PRDM16: variants seen among roughly 807,000 people sequenced by gnomAD.
The protein encoded by PRDM16 is PR/SET domain 16, also known as histone-lysine N-methyltransferase PRDM16.
In PRDM16, 23 loss-of-function variants were observed where a neutral mutation model predicts 110.6. The ratio of observed to expected loss-of-function variants is 0.21; its 90% CI spans 0.15 to 0.29. The LOEUF is 0.29. PRDM16 is among the 10% of genes least tolerant of loss of function. The probability of loss-of-function intolerance (pLI) is 1.00; values close to 1 mark genes in which losing one functional copy is unlikely to be tolerated. For missense variants in PRDM16, 1,615 were observed against 1,794.3 expected (o/e 0.90, Z 1.81); for synonymous variants, 799 against 781.8 (o/e 1.02, Z -0.37).
At chr1:3,419,120 A>T (rs1000431254) in intron 12 of PRDM16, among the ~76,000 whole-genome samples, 1 of 152,152 alleles carries the variant, frequency 6.6e-6, no homozygotes, top group Non-Finnish European at 1.5e-5. Flanking sequence ...CACCCAGCCC[A>T]ACTCCGTTCA....
chr1:3,137,402 G>A (rs1557475285), intron 1 of PRDM16, among the ~76,000 whole-genome samples: 1 of 152,218 alleles, frequency 6.6e-6, no homozygotes, highest in African/African-American at 2.4e-5. Flanking sequence ...GAGAGAGAGA[G>A]GCTAGGGAGA....
chr1:3,306,746 T>G (rs951880665), intron 3 of PRDM16: 1 of 152,226 alleles, frequency 6.6e-6, no homozygotes, highest in African/African-American at 2.4e-5. Flanking sequence ...AGCCACAGAC[T>G]TGTGCAACCA....
chr1:3,107,442 C>T (rs1642683890), intron 1 of PRDM16, among the ~76,000 whole-genome samples: 1 of 152,166 alleles, frequency 6.6e-6, no homozygotes, highest in Non-Finnish European at 1.5e-5. Context: ...CCAGCAGTTC[C>T]TTGGTGTCAG....
chr1:3,422,454 A>G (rs1638467113), intron 12 of PRDM16, among the ~76,000 whole-genome samples: 1 of 152,220 alleles, frequency 6.6e-6, no homozygotes, highest in Admixed American at 6.5e-5. Context: ...CTGGGTGGGA[A>G]GCCTCTGGCT....
chr1:3,131,947 A>T (rs1021061841), intron 1 of PRDM16, among the ~76,000 whole-genome samples: 1 of 152,256 alleles, frequency 6.6e-6, no homozygotes, highest in African/African-American at 2.4e-5. Context: ...TAGTCCGTTT[A>T]ATATGTAAAC....
At position 3,104,546 on chromosome 1, in the gene PRDM16, C is replaced by T. The variant is rs557279917; in HGVS notation, c.37+35250C>T. Among the ~76,000 whole-genome samples the T allele has an allele frequency of 4.1e-4, 47 of 114,988 alleles. No homozygotes were observed. In the South Asian group the frequency reaches 9.8e-3, roughly 24 times the overall value. The allele number at this position is 114,988 out of a possible 152,430, so 75.4% of individuals were successfully genotyped here. A position where few individuals can be genotyped will look rare whatever the true frequency, so the allele number is the denominator to read the frequency against. On this transcript the variant is annotated intron_variant, in intron 1 of 16. Coordinates refer to ENST00000270722, the MANE Select transcript of PRDM16 (RefSeq NM_022114.4). Reference sequence around the variant, plus strand: ...CCCCAGTGTTCACAAGGGTGGGCGCCGCAGCCAGCCCTCAAGAAGCCCTCA... The same window carrying T: ...CCCCAGTGTTCACAAGGGTGGGCGCTGCAGCCAGCCCTCAAGAAGCCCTCA...
At position 3,269,560 on chromosome 1, in the gene PRDM16, C is replaced by G. The variant is rs906981589; in HGVS notation, c.438+25423C>G. ...AGGAGCACAGTCCTGGAAGACAGTCCCAGAGGAGGACAGTCCCGGAGGAGG... is the reference window on the plus strand; with the variant it reads ...AGGAGCACAGTCCTGGAAGACAGTCGCAGAGGAGGACAGTCCCGGAGGAGG... On this transcript the variant is annotated intron_variant, in intron 3 of 16. Coordinates refer to ENST00000270722, the MANE Select transcript of PRDM16 (RefSeq NM_022114.4). Among the ~76,000 whole-genome samples, 13 of 139,140 alleles carry G rather than the reference C, an allele frequency of 9.3e-5. 1 individual carries two copies. The highest frequency in any genetic ancestry group is 8.9e-4 in the East Asian group (4 of 4,502). 91.3% of individuals were successfully genotyped at this position (139,140 alleles called of 152,430 possible). A position where few individuals can be genotyped will look rare whatever the true frequency, so the allele number is the denominator to read the frequency against.
intron 2 of PRDM16, among the ~76,000 whole-genome samples, chr1:3,193,745 G>A (rs946248983): frequency 2.6e-5 from 4 of 152,222 alleles, no homozygotes; most frequent in African/African-American, 9.7e-5. Context: ...CCCACATGTC[G>A]GTCTGTACTG....
chr1:3,089,494 A>G (rs886681085), intron 1 of PRDM16, among the ~76,000 whole-genome samples: 1 of 152,244 alleles, frequency 6.6e-6, no homozygotes, highest in Admixed American at 6.5e-5. Flanking sequence ...AGAGCACAGT[A>G]GCCTGTCAGC....
chr1:3,182,242 T>G (rs530846290), intron 1 of PRDM16, among the ~76,000 whole-genome samples: 1 of 152,334 alleles, frequency 6.6e-6, no homozygotes, highest in African/African-American at 2.4e-5. Context: ...GAATCTAGGC[T>G]GAAATCTGCC....
chr1:3,406,604 C>T (rs528904562), intron 8 of PRDM16, among the ~76,000 whole-genome samples: 6 of 152,034 alleles, frequency 3.9e-5, no homozygotes, highest in Admixed American at 6.5e-5. Context: ...TAGCCAACCA[C>T]GGTAGTGTGT....
intron 1 of PRDM16, among the ~76,000 whole-genome samples, chr1:3,090,098 C>T (rs1642241940): frequency 1.3e-5 from 2 of 152,220 alleles, no homozygotes; most frequent in African/African-American, 4.8e-5. Flanking sequence ...CAAACAAACC[C>T]CCCAGCCAGG....
chr1:3,083,914 A>C (rs979392984), intron 1 of PRDM16, among the ~76,000 whole-genome samples: 1 of 152,226 alleles, frequency 6.6e-6, no homozygotes, highest in African/African-American at 2.4e-5. Context: ...CGTGGTTGAC[A>C]CAAATGTGAC....
chr1:3,069,401 G>A lies in PRDM16; in HGVS notation c.37+105G>A, dbSNP rs1321881681. The A allele has an allele frequency of 4.9e-6, 1 of 202,544 alleles. No individual in the cohort carries two copies. The highest frequency in any genetic ancestry group is 2.0e-4 in the East Asian group (1 of 4,886). 12.5% of individuals were successfully genotyped at this position (202,544 alleles called of 1,614,324 possible). ...TCGGGGCGCGGCCGGCGCGCCTGCG[G>A]CTCCGGGCCCCCGGCTCGGCCGCGC... On this transcript the variant is annotated intron_variant, in intron 1 of 16. Coordinates refer to ENST00000270722, the MANE Select transcript of PRDM16 (RefSeq NM_022114.4). This position sits in a 1 kb window ranked among gnomAD's most constrained non-coding sequence, Gnocchi z 6.1.
chr1:3,170,127 G>A (rs543699381), intron 1 of PRDM16, among the ~76,000 whole-genome samples: 3 of 152,344 alleles, frequency 2.0e-5, no homozygotes, highest in East Asian at 1.9e-4. Context: ...GAGCGCGGAC[G>A]GGCTGGGAAG....
intron 1 of PRDM16, among the ~76,000 whole-genome samples, chr1:3,176,686 C>A (rs1362803445): frequency 6.7e-6 from 1 of 149,608 alleles, no homozygotes; most frequent in Non-Finnish European, 1.5e-5. Flanking sequence ...CCTATCTATG[C>A]ATTCATCCAC....
chr1:3,182,300 C>T (rs1040653208), intron 1 of PRDM16, among the ~76,000 whole-genome samples: 9 of 152,188 alleles, frequency 5.9e-5, no homozygotes, highest in Non-Finnish European at 8.8e-5. Flanking sequence ...GGGAAGGGGT[C>T]GTCGTGTTGG....
At chr1:3,144,448 G>A (rs988292713) in intron 1 of PRDM16, among the ~76,000 whole-genome samples, 7 of 152,244 alleles carry the variant, frequency 4.6e-5, no homozygotes, top group African/African-American at 9.6e-5. Flanking sequence ...ATTCCCACTC[G>A]GCCAGGTCCC....
chr1:3,256,792 G>C (rs933221616), intron 3 of PRDM16, among the ~76,000 whole-genome samples: 10 of 152,182 alleles, frequency 6.6e-5, no homozygotes, highest in Non-Finnish European at 1.3e-4. Flanking sequence ...AGGAGGCAGA[G>C]CTTGCAGTGA....
Sources: allele counts gnomAD v4.1 joint callset (sites outside exome capture counted in the v4.1 genomes callset), GRCh38; gene constraint gnomAD v4.1.1; non-coding constraint Gnocchi (gnomAD v3.1); transcripts MANE v1.5; gene names NCBI Gene and HGNC (gene_info 2026-07-23, HGNC 2026-07-21).